The following SUPT3H variants were observed in gnomAD, a reference collection of about 807,000 sequenced individuals.
SUPT3H encodes the protein SPT3 homolog, SAGA and STAGA complex component, also known as transcription initiation protein SPT3 homolog.
SUPT3H carries 44 observed loss-of-function variants against 44.3 expected under a neutral mutation model. The ratio of observed to expected loss-of-function variants is 0.99; its 90% CI spans 0.78 to 1.28. The LOEUF is 1.28. Ranked by LOEUF, SUPT3H falls within the 50% of genes most tolerant of loss-of-function variation. The probability of loss-of-function intolerance (pLI) is 0.00; values close to 1 mark genes in which losing one functional copy is unlikely to be tolerated. For missense variants in SUPT3H, 380 were observed against 387.1 expected (o/e 0.98, Z 0.15); for synonymous variants, 124 against 125.6 (o/e 0.99, Z 0.09).
chr6:44,815,508 GAAGA>G (rs1418926541), intron 11 of SUPT3H, among the ~76,000 whole-genome samples: 1 of 152,138 alleles, frequency 6.6e-6, no homozygotes, highest in Non-Finnish European at 1.5e-5. Flanking sequence ...TATAAGTACT[GAAGA>G]AAGATGAAGT....
chr6:45,256,539 T>C (rs756776617), intron 2 of SUPT3H, among the ~76,000 whole-genome samples: 7 of 152,154 alleles, frequency 4.6e-5, no homozygotes, highest in African/African-American at 1.2e-4. Context: ...ACATGAATTC[T>C]GGAAGGACAC....
At chr6:45,100,949 C>T (rs1798486872) in intron 3 of SUPT3H, among the ~76,000 whole-genome samples, 1 of 152,036 alleles carries the variant, frequency 6.6e-6, no homozygotes, top group South Asian at 2.1e-4. Context: ...CTGAAGTGTC[C>T]ATCAACAGAC....
intron 2 of SUPT3H, among the ~76,000 whole-genome samples, chr6:45,263,446 A>G (rs999987160): frequency 2.0e-5 from 3 of 152,200 alleles, no homozygotes; most frequent in Non-Finnish European, 2.9e-5. Flanking sequence ...AGACATGGAT[A>G]TAAAGATGGC....
At chr6:44,891,949 T>G (rs888763766) in intron 10 of SUPT3H, among the ~76,000 whole-genome samples, 2 of 152,102 alleles carry the variant, frequency 1.3e-5, no homozygotes, top group Non-Finnish European at 2.9e-5. Context: ...AGTGTCCTAA[T>G]AAAATCTTGG....
At chr6:44,821,151 C>G (rs913464746) in intron 11 of SUPT3H, among the ~76,000 whole-genome samples, 5 of 152,128 alleles carry the variant, frequency 3.3e-5, no homozygotes, top group Admixed American at 6.5e-5. Flanking sequence ...GTGGCCCGGT[C>G]TGAGAAAGTA....
intron 2 of SUPT3H, among the ~76,000 whole-genome samples, chr6:45,110,629 A>G (rs1173326094): frequency 6.6e-6 from 1 of 152,114 alleles, no homozygotes; most frequent in Non-Finnish European, 1.5e-5. Flanking sequence ...CTTATGTTGA[A>G]TCCACATGTG....
intron 3 of SUPT3H, among the ~76,000 whole-genome samples, chr6:45,067,731 A>C (rs1793625999): frequency 6.8e-6 from 1 of 147,392 alleles, no homozygotes; most frequent in African/African-American, 2.6e-5. Context: ...ATCACTGGCC[A>C]TCAGAGAAAT....
intron 10 of SUPT3H, among the ~76,000 whole-genome samples, chr6:44,908,557 T>C (rs1002176411): frequency 1.3e-5 from 2 of 152,152 alleles, no homozygotes; most frequent in Non-Finnish European, 2.9e-5. Flanking sequence ...GCCAAAAATT[T>C]GCTATTTCAC....
chr6:45,014,813 C>T lies in SUPT3H; in HGVS notation c.352G>A (p.Asp118Asn), dbSNP rs1415176409. The change falls in exon 5 of 11, where the codon GAT becomes AAT. Residue 118 changes from aspartate to asparagine, a missense_variant. Physicochemically the swap from Asp to Asn is conservative, Grantham distance 23. Coordinates refer to ENST00000371459, the MANE Select transcript of SUPT3H (RefSeq NM_003599.4). ...TTGTTTTGGTTACCTTCGAGAAGAT[C>T]ATCCTCATCGATGCCTTTGACAATC... ...SKIVKGIDED[D>N]LLEDKLSGSN... 6.3e-7 allele frequency: 1 copy of T among 1,589,868 alleles called. No homozygotes were observed. The highest frequency in any genetic ancestry group is 8.6e-7 in the Non-Finnish European group (1 of 1,169,492).
chr6:45,112,545 G>A (rs1430926596), intron 2 of SUPT3H, among the ~76,000 whole-genome samples: 2 of 152,132 alleles, frequency 1.3e-5, no homozygotes, highest in African/African-American at 4.8e-5. Context: ...TAAGAATAGA[G>A]GGGAAGGACT....
At chr6:44,903,336 TGATAAA>T (rs1325969452) in intron 10 of SUPT3H, among the ~76,000 whole-genome samples, 1 of 151,930 alleles carries the variant, frequency 6.6e-6, no homozygotes, top group Non-Finnish European at 1.5e-5. Flanking sequence ...CAATAAAAAA[TGATAAA>T]GGGGATATTA....
intron 9 of SUPT3H, among the ~76,000 whole-genome samples, chr6:44,944,163 A>G (rs1772908922): frequency 6.6e-6 from 1 of 152,048 alleles, no homozygotes; most frequent in South Asian, 2.1e-4. Flanking sequence ...TATATATACA[A>G]GAGTCTTACA....
At chr6:45,230,660 G>GCCTATATATATATATATA (rs765270979) in intron 2 of SUPT3H, among the ~76,000 whole-genome samples, 2,085 of 50,428 alleles carry the variant, frequency 0.041, 118 homozygotes, top group Non-Finnish European at 0.056. Flanking sequence ...AATTCATTCA[G>GCCTATATATATATATATA]TCTATATATA....
chr6:45,048,242 T>C (rs1789735500), intron 3 of SUPT3H, among the ~76,000 whole-genome samples: 2 of 146,648 alleles, frequency 1.4e-5, no homozygotes, highest in Admixed American at 1.4e-4. Context: ...TTTTTTTTTT[T>C]TTTTGGCAGA....
chr6:45,120,417 T>TAAAAAAAAAAAAAGAAAAAA (rs1801462328), intron 2 of SUPT3H, among the ~76,000 whole-genome samples: 1 of 50,510 alleles, frequency 2.0e-5, no homozygotes, highest in Non-Finnish European at 3.7e-5. Context: ...AGACCTTGTC[T>TAAAAAAAAAAAAAGAAAAAA]AAAAAAAAAA....
At chr6:45,370,009 GTT>G (rs1359865999) in intron 1 of SUPT3H, among the ~76,000 whole-genome samples, 1 of 152,108 alleles carries the variant, frequency 6.6e-6, no homozygotes, top group Non-Finnish European at 1.5e-5. Flanking sequence ...GGCCACAGGA[GTT>G]TACATTTCAC....
chr6:44,997,046 CTT>C (rs779512032), intron 6 of SUPT3H, among the ~76,000 whole-genome samples: 20 of 151,638 alleles, frequency 1.3e-4, no homozygotes, highest in Non-Finnish European at 2.4e-4. Context: ...TTCATGGAAT[CTT>C]ATATTATTTG....
chr6:44,916,402 C>T (rs1767808513), intron 10 of SUPT3H, among the ~76,000 whole-genome samples: 1 of 152,176 alleles, frequency 6.6e-6, no homozygotes, highest in South Asian at 2.1e-4. Context: ...AAGCCTTATT[C>T]CCCATATGTG....
intron 10 of SUPT3H, among the ~76,000 whole-genome samples, chr6:44,853,762 T>C (rs1773290250): frequency 6.6e-6 from 1 of 151,612 alleles, no homozygotes; most frequent in Non-Finnish European, 1.5e-5. Flanking sequence ...GGGAGGCAAA[T>C]TATGGGAAGG....
Sources: allele counts gnomAD v4.1 joint callset (sites outside exome capture counted in the v4.1 genomes callset), GRCh38; gene constraint gnomAD v4.1.1; transcripts MANE v1.5; gene names NCBI Gene and HGNC (gene_info 2026-07-23, HGNC 2026-07-21).